Variants in RORA observed in about 807,000 individuals in gnomAD.
The protein encoded by RORA is nuclear receptor ROR-alpha.
RORA carries 7 observed loss-of-function variants against 69.5 expected under a neutral mutation model. The observed-to-expected ratio is 0.10, with a 90% CI of 0.06 to 0.19. The LOEUF (loss-of-function observed/expected upper bound fraction) is 0.19, where lower values mean the gene tolerates loss of function less well. Among genes scored for constraint, RORA ranks in the 10% least tolerant of loss-of-function variants. RORA has a pLI of 1.00. For missense variants in RORA, 457 were observed against 663.0 expected (o/e 0.69, Z 3.41); for synonymous variants, 261 against 240.8 (o/e 1.08, Z -0.78).
rs183346026 is a variant in RORA, at chr15:60,722,856, T to C, written c.167-44170A>G. On this transcript the variant is annotated intron_variant, in intron 1 of 10. Coordinates refer to ENST00000335670, the MANE Select transcript of RORA (RefSeq NM_134261.3). ...CTCCTTCCCATTTCTCATCCTTCCC[T>C]CTCCACGTCTCACAAACACCAAGTC... is the stretch of plus-strand genomic sequence containing the variant. Among the ~76,000 whole-genome samples the C allele has an allele frequency of 1.4e-3, 214 of 152,258 alleles. 3 individuals are homozygous for C. Among genetic ancestry groups the C allele is most frequent in the African/African-American group, 4.8e-3 (201 of 41,560 alleles).
intron 1 of RORA, among the ~76,000 whole-genome samples, chr15:60,970,755 C>T (rs1003087727): frequency 6.6e-6 from 1 of 152,176 alleles, no homozygotes. Context: ...GCCCTCCAAA[C>T]TAATACGGTT....
chr15:61,083,718 C>T (rs1457578096), intron 1 of RORA, among the ~76,000 whole-genome samples: 3 of 151,938 alleles, frequency 2.0e-5, no homozygotes, highest in African/African-American at 7.2e-5. Flanking sequence ...TCTCCAAGCA[C>T]CTTCTCCCTT....
At chr15:61,044,824 G>A (rs547948036) in intron 1 of RORA, among the ~76,000 whole-genome samples, 8 of 152,292 alleles carry the variant, frequency 5.3e-5, no homozygotes, top group Non-Finnish European at 1.0e-4. Flanking sequence ...ATCATAATCT[G>A]CATTTTCAGA....
At chr15:61,151,382 G>A (rs1238765687) in intron 1 of RORA, among the ~76,000 whole-genome samples, 2 of 152,194 alleles carry the variant, frequency 1.3e-5, no homozygotes, top group African/African-American at 4.8e-5. Context: ...TGAGTGAATA[G>A]ATGAAACTTT....
At chr15:60,677,495 A>G (rs1291206789) in intron 2 of RORA, among the ~76,000 whole-genome samples, 3 of 152,098 alleles carry the variant, frequency 2.0e-5, no homozygotes, top group Admixed American at 2.0e-4. Flanking sequence ...ATTGAAGGCC[A>G]TGAGAGAGCC....
intron 1 of RORA, among the ~76,000 whole-genome samples, chr15:61,130,437 T>C (rs1007486456): frequency 6.6e-6 from 1 of 152,016 alleles, no homozygotes; most frequent in East Asian, 1.9e-4. Flanking sequence ...TTTGATTCTA[T>C]GAAAATGGAA....
chr15:60,999,829 A>T (rs1318935577), intron 1 of RORA, among the ~76,000 whole-genome samples: 1 of 152,232 alleles, frequency 6.6e-6, no homozygotes, highest in African/African-American at 2.4e-5. Flanking sequence ...ATTGAGGGCG[A>T]TGAAAACTGG....
At chr15:60,746,068 C>T (rs1357783386) in intron 1 of RORA, among the ~76,000 whole-genome samples, 2 of 152,142 alleles carry the variant, frequency 1.3e-5, no homozygotes, top group Non-Finnish European at 2.9e-5. Flanking sequence ...GAAACTCGAC[C>T]TTTTCCAAAA....
chr15:60,892,717 A>G (rs2073825158), intron 1 of RORA, among the ~76,000 whole-genome samples: 2 of 152,198 alleles, frequency 1.3e-5, no homozygotes, highest in Non-Finnish European at 2.9e-5. Flanking sequence ...TTTCCTGACA[A>G]AGAAATATAC....
At chr15:60,961,677 G>A (rs2140343381) in intron 1 of RORA, among the ~76,000 whole-genome samples, 1 of 152,296 alleles carries the variant, frequency 6.6e-6, no homozygotes, top group Non-Finnish European at 1.5e-5. Flanking sequence ...AGCCATTATG[G>A]CTTTAATAGT....
chr15:60,795,866 G>A (rs1016253745), intron 1 of RORA, among the ~76,000 whole-genome samples: 5 of 152,172 alleles, frequency 3.3e-5, no homozygotes, highest in African/African-American at 9.7e-5. Flanking sequence ...ATGTAATGGA[G>A]ATAACTTTGG....
At chr15:60,892,000 T>C (rs998020733) in intron 1 of RORA, among the ~76,000 whole-genome samples, 2 of 152,204 alleles carry the variant, frequency 1.3e-5, no homozygotes, top group African/African-American at 4.8e-5. Context: ...GTTTCATCTT[T>C]GAAAAAAGCT....
intron 1 of RORA, among the ~76,000 whole-genome samples, chr15:60,757,270 C>T (rs1477469479): frequency 6.6e-6 from 1 of 152,060 alleles, no homozygotes; most frequent in Non-Finnish European, 1.5e-5. Context: ...CATCATCAGT[C>T]TTTCCTTTTC....
intron 1 of RORA, among the ~76,000 whole-genome samples, chr15:60,805,004 G>T (rs1259524093): frequency 6.6e-6 from 1 of 152,176 alleles, no homozygotes; most frequent in Non-Finnish European, 1.5e-5. Flanking sequence ...AGGGAAAATG[G>T]CTTCCCAGAC....
At chr15:60,757,043 C>G (rs2071812328) in intron 1 of RORA, among the ~76,000 whole-genome samples, 1 of 152,092 alleles carries the variant, frequency 6.6e-6, no homozygotes, top group South Asian at 2.1e-4. Context: ...CATTTTAAAA[C>G]TTTAACTCAT....
intron 1 of RORA, among the ~76,000 whole-genome samples, chr15:61,098,966 C>T (rs1196671961): frequency 1.3e-5 from 2 of 152,156 alleles, no homozygotes; most frequent in South Asian, 2.1e-4. Context: ...TTGCAGGCAA[C>T]GTACGCTTCA....
At chr15:60,582,290 G>A (rs1293856737) in intron 2 of RORA, among the ~76,000 whole-genome samples, 4 of 152,032 alleles carry the variant, frequency 2.6e-5, no homozygotes, top group Non-Finnish European at 4.4e-5. Context: ...AGCAATTAAG[G>A]GTAGAGACAG....
intron 1 of RORA, among the ~76,000 whole-genome samples, chr15:60,873,596 C>T (rs1276568749): frequency 6.6e-6 from 1 of 151,962 alleles, no homozygotes; most frequent in Admixed American, 6.6e-5. Context: ...TGACTAAGTA[C>T]CAGATAATGA....
At chr15:61,004,807 C>T (rs1269720708) in intron 1 of RORA, among the ~76,000 whole-genome samples, 2 of 152,052 alleles carry the variant, frequency 1.3e-5, no homozygotes, top group African/African-American at 2.4e-5. Context: ...AAAAAAATGT[C>T]GAACCTCACT....
Sources: allele counts gnomAD v4.1 joint callset (sites outside exome capture counted in the v4.1 genomes callset), GRCh38; gene constraint gnomAD v4.1.1; transcripts MANE v1.5; gene names NCBI Gene and HGNC (gene_info 2026-07-23, HGNC 2026-07-21).